NAALADL2: variants seen among roughly 807,000 people sequenced by gnomAD.
NAALADL2 encodes inactive N-acetylated-alpha-linked acidic dipeptidase-like protein 2.
In NAALADL2, 76 loss-of-function variants were observed where a neutral mutation model predicts 87.2. The observed-to-expected ratio is 0.87, with a 90% CI of 0.72 to 1.05. NAALADL2 has a LOEUF of 1.05. Among genes scored for constraint, NAALADL2 ranks in the 50% least tolerant of loss-of-function variants. NAALADL2 has a pLI of 0.00. For synonymous variants in NAALADL2, 354 were observed against 331.0 expected (o/e 1.07, Z -0.75); for missense variants, 1,089 against 945.8 (o/e 1.15, Z -1.99).
At chr3:175,545,774 C>A (rs1355714202) in intron 9 of NAALADL2, among the ~76,000 whole-genome samples, 27 of 152,128 alleles carry the variant, frequency 1.8e-4, no homozygotes, top group Admixed American at 1.8e-3. Context: ...ATTCTCAACA[C>A]ATCAAAATTC....
chr3:174,648,949 G>A (rs1250702213), intron 2 of NAALADL2, among the ~76,000 whole-genome samples: 1 of 151,946 alleles, frequency 6.6e-6, no homozygotes, highest in Non-Finnish European at 1.5e-5. Context: ...AACCTGTTTT[G>A]TTTTTGTTTT....
intron 13 of NAALADL2, among the ~76,000 whole-genome samples, chr3:175,761,012 A>G (rs547886074): frequency 1.2e-4 from 19 of 152,302 alleles, no homozygotes; most frequent in African/African-American, 4.1e-4. Flanking sequence ...GTGTTGGTAC[A>G]TTTGTTACCA....
chr3:174,842,746 A>G (rs944876197), intron 3 of NAALADL2, among the ~76,000 whole-genome samples: 2 of 152,020 alleles, frequency 1.3e-5, no homozygotes, highest in African/African-American at 4.8e-5. Flanking sequence ...AATCATTTAT[A>G]CCTTAATTAT....
intron 5 of NAALADL2, among the ~76,000 whole-genome samples, chr3:175,327,322 A>G (rs554328671): frequency 6.6e-6 from 1 of 151,736 alleles, no homozygotes; most frequent in South Asian, 2.1e-4. Context: ...TGCCCGGCTA[A>G]TTTTTTGTAT....
At chr3:175,638,218 A>G in intron 11 of NAALADL2, among the ~76,000 whole-genome samples, 1 of 152,194 alleles carries the variant, frequency 6.6e-6, no homozygotes. Flanking sequence ...TGCCGTAGAG[A>G]TATTTATTCG....
chr3:175,089,194 T>C (rs1011534588), intron 1 of NAALADL2, among the ~76,000 whole-genome samples: 1 of 152,146 alleles, frequency 6.6e-6, no homozygotes, highest in Non-Finnish European at 1.5e-5. Flanking sequence ...TGTCAGGTCC[T>C]GAATATAGTC....
At chr3:174,933,785 T>C (rs1737264450) in intron 1 of NAALADL2, among the ~76,000 whole-genome samples, 1 of 152,192 alleles carries the variant, frequency 6.6e-6, no homozygotes, top group South Asian at 2.1e-4. Flanking sequence ...ACATGTTTGC[T>C]CTCAGTTATA....
chr3:175,226,876 A>T (rs1161084323), intron 2 of NAALADL2, among the ~76,000 whole-genome samples: 1 of 152,090 alleles, frequency 6.6e-6, no homozygotes, highest in Non-Finnish European at 1.5e-5. Context: ...TCAAAGCAAA[A>T]TTATGAGATT....
intron 5 of NAALADL2, among the ~76,000 whole-genome samples, chr3:175,408,907 T>C (rs979956789): frequency 6.6e-6 from 1 of 152,022 alleles, no homozygotes; most frequent in African/African-American, 2.4e-5. Flanking sequence ...GAGTTTTTAA[T>C]AGAATCTTAG....
At chr3:175,544,526 A>G (rs893836766) in intron 9 of NAALADL2, among the ~76,000 whole-genome samples, 14 of 152,120 alleles carry the variant, frequency 9.2e-5, no homozygotes, top group South Asian at 8.3e-4. Context: ...TTCCACCACA[A>G]CTAAACTAAG....
chr3:174,801,397 C>G (rs1718814826), intron 3 of NAALADL2, among the ~76,000 whole-genome samples: 1 of 152,176 alleles, frequency 6.6e-6, no homozygotes, highest in African/African-American at 2.4e-5. Flanking sequence ...ATGTGACTTG[C>G]TCTTCTTTGC....
intron 11 of NAALADL2, among the ~76,000 whole-genome samples, chr3:175,632,091 G>A (rs577172668): frequency 6.6e-6 from 1 of 152,074 alleles, no homozygotes; most frequent in East Asian, 1.9e-4. Context: ...CTCTGATATG[G>A]TTTGGGTCTG....
chr3:175,683,633 T>A (rs1735898692), intron 11 of NAALADL2, among the ~76,000 whole-genome samples: 1 of 152,016 alleles, frequency 6.6e-6, no homozygotes, highest in Non-Finnish European at 1.5e-5. Context: ...AGCATTCAGC[T>A]CCTTGCCTTG....
intron 3 of NAALADL2, among the ~76,000 whole-genome samples, chr3:174,785,399 G>A (rs557984613): frequency 2.0e-5 from 3 of 152,224 alleles, no homozygotes; most frequent in Non-Finnish European, 4.4e-5. Flanking sequence ...TAAATAAGGA[G>A]CTCTTTCACC....
chr3:175,568,034 T>C (rs2079875424), intron 9 of NAALADL2, among the ~76,000 whole-genome samples: 2 of 152,064 alleles, frequency 1.3e-5, no homozygotes, highest in Admixed American at 6.5e-5. Context: ...TTCTATTTTA[T>C]GATAAGATGA....
At chr3:175,698,992 A>G (rs898457944) in intron 11 of NAALADL2, among the ~76,000 whole-genome samples, 1 of 152,040 alleles carries the variant, frequency 6.6e-6, no homozygotes, top group East Asian at 1.9e-4. Flanking sequence ...GTTAGACTCT[A>G]AAGTGTCTGG....
At chr3:174,831,320 G>A (rs918252791) in intron 3 of NAALADL2, among the ~76,000 whole-genome samples, 20 of 146,396 alleles carry the variant, frequency 1.4e-4, no homozygotes, top group African/African-American at 3.4e-4. Flanking sequence ...AGCATGAAGC[G>A]TTGTTGAATT....
chr3:174,858,351 T>C (rs1248567945), upstream of NAALADL2, among the ~76,000 whole-genome samples: 1 of 152,076 alleles, frequency 6.6e-6, no homozygotes, highest in Non-Finnish European at 1.5e-5. Context: ...GCCTTAATTC[T>C]GTGATATCTT....
At chr3:175,165,230 G>A (rs1051591802) in intron 2 of NAALADL2, among the ~76,000 whole-genome samples, 1 of 152,024 alleles carries the variant, frequency 6.6e-6, no homozygotes, top group African/African-American at 2.4e-5. Context: ...TCCTCATAAT[G>A]TGCACTGTTT....
Sources: gnomAD v4.1 joint callset for allele counts (sites outside exome capture counted in the v4.1 genomes callset) on GRCh38, gnomAD v4.1.1 for gene constraint, MANE v1.5 for transcripts, NCBI Gene and HGNC (gene_info 2026-07-23, HGNC 2026-07-21) for gene names.